The following CREBBP variants were observed in gnomAD, a reference collection of about 807,000 sequenced individuals.
The protein encoded by CREBBP is CREB-binding protein.
A neutral mutation model predicts 265.0 loss-of-function variants in CREBBP; 19 were observed. That is an observed-to-expected ratio of 0.07 (90% CI 0.05 to 0.11). The LOEUF (loss-of-function observed/expected upper bound fraction) is 0.11, where lower values mean the gene tolerates loss of function less well. CREBBP is among the 10% of genes least tolerant of loss of function. The pLI is 1.00. For missense variants in CREBBP, 2,525 were observed against 3,219.0 expected, an observed-to-expected ratio of 0.78 and a Z score of 5.22; for synonymous variants, 1,457 against 1,223.7, an observed-to-expected ratio of 1.19 and a Z score of -3.98.
At chr16:3,804,797 T>C (rs1349066669) in intron 3 of CREBBP, among the ~76,000 whole-genome samples, 2 of 152,244 alleles carry the variant, frequency 1.3e-5, no homozygotes, top group Non-Finnish European at 2.9e-5. Flanking sequence ...ACCTTCTGGC[T>C]AGGCCTCCAC....
At chr16:3,808,335 T>C (rs930868584) in intron 3 of CREBBP, among the ~76,000 whole-genome samples, 5 of 152,228 alleles carry the variant, frequency 3.3e-5, no homozygotes, top group Admixed American at 6.5e-5. Flanking sequence ...GGAGAACATA[T>C]GTTGGTGCCT....
chr16:3,872,392 G>C (rs1009622211), intron 1 of CREBBP, among the ~76,000 whole-genome samples: 1 of 152,090 alleles, frequency 6.6e-6, no homozygotes, highest in African/African-American at 2.4e-5. Context: ...GACTCTGCTC[G>C]TGGCCTATTG....
rs115620315 is a variant in CREBBP at position 3,793,157 on chromosome 16, G to C, written c.1216+229C>G. ...CGGGGCACAGCTTCAAGCAGCAGAA[G>C]TTCACAGAGTATCAGAAAACCAAAT... On this transcript the variant is annotated intron_variant, in intron 4 of 30. Transcript: ENST00000262367. Among the ~76,000 whole-genome samples, 657 of 152,368 alleles carry C rather than the reference G, an allele frequency of 4.3e-3. 3 individuals are homozygous for C. Among genetic ancestry groups the C allele is most frequent in the African/African-American group, 0.015 (629 of 41,582 alleles).
In CREBBP at chr16:3,758,028, C is replaced by T; in HGVS notation, c.3390G>A (p.Lys1130=). 1 of 1,611,330 alleles carries T rather than the reference C, an allele frequency of 6.2e-7. No homozygotes were observed. The highest frequency in any genetic ancestry group is 1.1e-5 in the South Asian group (1 of 90,992). ...TGATGGTGGAGAGGTCCATGGGATT[C>T]TTTACGATGTCAAAATAGTCCTTAA... The part of the protein sequence containing the change: ...LGIPDYFDIV[K]NPMDLSTIKR... Residue 1130 remains lysine (K), a synonymous_variant, in exon 18 of 31, where the codon AAG becomes AAA. Transcript: ENST00000262367.
chr16:3,746,256 C>T (rs2052339280), intron 21 of CREBBP, among the ~76,000 whole-genome samples: 1 of 152,206 alleles, frequency 6.6e-6, no homozygotes, highest in East Asian at 1.9e-4. Flanking sequence ...GTCCATTGCA[C>T]GTGCTATGCA....
chr16:3,771,014 A>C (rs991122020), intron 13 of CREBBP, 28 bp from the exon 14 acceptor site: 13 of 1,610,952 alleles, frequency 8.1e-6, no homozygotes, highest in Non-Finnish European at 9.3e-6. Context: ...AGTATGGTAA[A>C]ATTATTTCCC....
intron 3 of CREBBP, among the ~76,000 whole-genome samples, chr16:3,796,330 C>A (rs893294129): frequency 6.6e-6 from 1 of 151,976 alleles, no homozygotes; most frequent in Non-Finnish European, 1.5e-5. Context: ...ATCTTCCCAC[C>A]TCAGCCTCCC....
intron 2 of CREBBP, among the ~76,000 whole-genome samples, chr16:3,822,708 T>C (rs761671249): frequency 2.6e-5 from 4 of 152,238 alleles, no homozygotes; most frequent in Non-Finnish European, 5.9e-5. Flanking sequence ...CTCAAAGATA[T>C]ATTGTTATCA....
rs751602717 is a variant in CREBBP at position 3,744,957 on chromosome 16, C to G, written c.3919G>C (p.Val1307Leu). 6.2e-7 allele frequency: 1 copy of G among 1,611,368 alleles called. No individual in the cohort carries two copies. The highest frequency in any genetic ancestry group is 8.5e-7 in the Non-Finnish European group (1 of 1,177,638). Residue 1307 changes from valine to leucine, a missense_variant, in exon 23 of 31, where the codon GTG (valine) becomes CTG (leucine). This residue lies in a region of CREBBP where 252 missense variants were observed against 452.5 expected (regional missense o/e 0.56). Transcript: ENST00000262367. Reference sequence around the variant, plus strand: ...GTTTTCTTCAAGCAGTTGTCGCACACAAAACTGCAAAATAATAGTGGTATG... The same window carrying G: ...GTTTTCTTCAAGCAGTTGTCGCACAGAAAACTGCAAAATAATAGTGGTATG... ...HYDIIWPSGF[V>L]CDNCLKKTGR... is the part of the protein sequence containing the mutation.
At position 3,728,213 on chromosome 16, in the gene CREBBP, C is replaced by G. The variant is rs372866305; in HGVS notation, c.6834G>C (p.Gly2278=). ...MGQLGQMGQP[G]LGADSTPNIQ... ...TGTTGGGGGTGCTGTCTGCCCCCAG[C>G]CCCGGCTGCCCCATCTGGCCAAGCT... The change falls in exon 31 of 31, where the codon GGG becomes GGC. Residue 2278 remains glycine, a synonymous_variant. Coordinates refer to ENST00000262367, the MANE Select transcript of CREBBP (RefSeq NM_004380.3). This position sits in a 1 kb window ranked among gnomAD's most constrained non-coding sequence, Gnocchi z 8.7. 6.2e-7 allele frequency: 1 copy of G among 1,613,600 alleles called. No individual in the cohort carries two copies. The highest frequency in any genetic ancestry group is 1.1e-5 in the South Asian group (1 of 91,070).
At position 3,726,700 on chromosome 16, in the gene CREBBP, A is replaced by G. The variant is rs1248766474; in HGVS notation, c.*1018T>C. ...AATTTTAAGCGGTACTTTATATACAATGGGGAAAAAACACATGCATAGTCC... is the reference window on the plus strand; with the variant it reads ...AATTTTAAGCGGTACTTTATATACAGTGGGGAAAAAACACATGCATAGTCC... On this transcript the variant is annotated 3_prime_UTR_variant, in exon 31 of 31. Transcript: ENST00000262367. 4.3e-6 allele frequency: 1 copy of G among 233,692 alleles called. No individual in the cohort carries two copies. The allele number at this position is 233,692 out of a possible 1,614,324, so 14.5% of individuals were successfully genotyped here.
rs370532542 is a variant in CREBBP, at chr16:3,878,446, T to C, written c.85+1386A>G. 1.2e-4 allele frequency among the ~76,000 whole-genome samples: 19 copies of C among 152,370 alleles called. No homozygotes were observed. The East Asian group carries it at 3.5e-3, about 28-fold the overall frequency. On this transcript the variant is annotated intron_variant, in intron 1 of 30. Transcript: ENST00000262367. The stretch of plus-strand genomic sequence containing the variant: ...TCCCCACTGTTTAACAAATTTTAAC[T>C]AGATAAGAATCTCCTTATGATTGAT...
chr16:3,871,675 T>C (rs2055302433), intron 1 of CREBBP, among the ~76,000 whole-genome samples: 1 of 152,230 alleles, frequency 6.6e-6, no homozygotes, highest in African/African-American at 2.4e-5. Context: ...AGTTAAAACA[T>C]GTTTAGGTGG....
chr16:3,736,963 G>A, intron 26 of CREBBP, 148 bp from the exon 27 acceptor site: 1 of 993,458 alleles, frequency 1.0e-6, no homozygotes, highest in Non-Finnish European at 1.5e-6. Context: ...GGTGTGGTGG[G>A]GGCAAGGCTC....
chr16:3,767,596 C>A, intron 16 of CREBBP, 124 bp downstream of exon 16: 5 of 1,315,164 alleles, frequency 3.8e-6, no homozygotes, highest in Non-Finnish European at 4.3e-6. Flanking sequence ...TGGGGAATGG[C>A]AGGCAAGAAA....
At chr16:3,777,533 A>AG in intron 11 of CREBBP, 80 bp downstream of exon 11, 1 of 1,409,514 alleles carries the variant, frequency 7.1e-7, no homozygotes, top group South Asian at 1.2e-5. Context: ...AGAAATATAC[A>AG]GGGGGAGAGG....
At chr16:3,741,303 T>C (rs577739113) in intron 23 of CREBBP, 3 of 152,484 alleles carry the variant, frequency 2.0e-5, no homozygotes, top group East Asian at 3.9e-4. Context: ...TGATTACGTA[T>C]AGACAATGAG....
rs533778365 is a variant in CREBBP, at chr16:3,757,965, C to A, written c.3453G>T (p.Trp1151Cys). The A allele has an allele frequency of 6.2e-7, 1 of 1,613,778 alleles. No individual in the cohort carries two copies. Among genetic ancestry groups the A allele is most frequent in the Non-Finnish European group, 8.5e-7 (1 of 1,179,964 alleles). Residue 1151 changes from tryptophan to cysteine, a missense_variant, in exon 18 of 31, where the codon TGG (tryptophan) becomes TGT (cysteine). Transcript: ENST00000262367. ...KLDTGQYQEP[W>C]QYVDDVWLMF... Reference sequence around the variant, plus strand: ...TGAGCCAGACGTCGTCCACGTACTGCCAGGGCTCTTGGTATTGCCCTGTGT... The same window carrying A: ...TGAGCCAGACGTCGTCCACGTACTGACAGGGCTCTTGGTATTGCCCTGTGT...
Position 3,762,361 on chromosome 16 carries a change from CTT to C in CREBBP, c.3251-3391_3251-3390del, listed in dbSNP as rs35125490. ...CGTGCTGAGGAGAGCATTTTCTTTCCTTTTTTTTTTTTTTTTTTTTGAGATGG... is the reference window on the plus strand; with the variant it reads ...CGTGCTGAGGAGAGCATTTTCTTTCCTTTTTTTTTTTTTTTTTTGAGATGG... On this transcript the variant is annotated intron_variant, in intron 16 of 30. Coordinates refer to ENST00000262367, the MANE Select transcript of CREBBP (RefSeq NM_004380.3). Among the ~76,000 whole-genome samples, 338 of 118,658 alleles carry C rather than the reference CTT, an allele frequency of 2.8e-3. 2 individuals are homozygous for C. The highest frequency in any genetic ancestry group is 9.6e-3 in the East Asian group (42 of 4,360). The allele number at this position is 118,658 out of a possible 152,430, so 77.8% of individuals were successfully genotyped here. A position where few individuals can be genotyped will look rare whatever the true frequency, so the allele number is the denominator to read the frequency against.
Sources: gnomAD v4.1 joint callset for allele counts (sites outside exome capture counted in the v4.1 genomes callset) on GRCh38, gnomAD v4.1.1 for gene constraint, gnomAD v4.1.1 regional missense constraint, Gnocchi (gnomAD v3.1) non-coding constraint, MANE v1.5 for transcripts, NCBI Gene and HGNC (gene_info 2026-07-23, HGNC 2026-07-21) for gene names.